The following LRP1 variants were observed in gnomAD, a reference collection of about 807,000 sequenced individuals.
LRP1 encodes the protein prolow-density lipoprotein receptor-related protein 1.
LRP1 carries 51 observed loss-of-function variants against 541.5 expected under a neutral mutation model. The ratio of observed to expected loss-of-function variants is 0.09; its 90% CI spans 0.08 to 0.12. The LOEUF is 0.12. LRP1 is among the 10% of genes least tolerant of loss of function. The pLI, the probability that LRP1 is intolerant of heterozygous loss-of-function variation, is 1.00. For missense variants in LRP1, 3,878 were observed against 6,376.2 expected (o/e 0.61, Z 13.34); for synonymous variants, 2,219 against 2,470.8 (o/e 0.90, Z 3.02).
chr12:57,192,242 A>G (rs1424761812), intron 44 of LRP1, among the ~76,000 whole-genome samples: 1 of 151,900 alleles, frequency 6.6e-6, no homozygotes, highest in Non-Finnish European at 1.5e-5. Flanking sequence ...TTGGAACCGC[A>G]AAACCCCCAG....
At chr12:57,186,057 G>T in intron 41 of LRP1, 149 bp downstream of exon 41, 2 of 939,880 alleles carry the variant, frequency 2.1e-6, no homozygotes, top group Non-Finnish European at 1.5e-6. Context: ...GCAGTTACAT[G>T]ACTCCTGATT....
Position 57,175,672 on chromosome 12 carries a change from C to T in LRP1, c.3760C>T (p.Leu1254=). The T allele has an allele frequency of 6.3e-7, 1 of 1,586,384 alleles. No individual in the cohort carries two copies. Among genetic ancestry groups the T allele is most frequent in the East Asian group, 2.2e-5 (1 of 44,602 alleles). ...VKCSCYEGWV[L]EPDGESCRSL... is the part of the protein sequence containing the mutation. ...GTGCTCCTGCTACGAGGGCTGGGTC[C>T]TGGAACCTGACGGCGAGAGCTGCCG... Residue 1254 remains leucine (L), a synonymous_variant, in exon 23 of 89, where the codon CTG becomes TTG. Coordinates refer to ENST00000243077, the MANE Select transcript of LRP1 (RefSeq NM_002332.3).
chr12:57,144,075 C>T (rs1309134461), intron 4 of LRP1, among the ~76,000 whole-genome samples: 1 of 152,166 alleles, frequency 6.6e-6, no homozygotes, highest in Non-Finnish European at 1.5e-5. Flanking sequence ...TCCCCTTTGA[C>T]AAATCCCCCT....
chr12:57,128,912 G>A lies in LRP1; in HGVS notation c.-53G>A, dbSNP rs1157774590. 4.1e-6 allele frequency: 6 copies of A among 1,480,876 alleles called. No homozygotes were observed. In the East Asian group the frequency reaches 1.3e-4, roughly 31 times the overall value. 91.7% of individuals were successfully genotyped at this position (1,480,876 alleles called of 1,614,324 possible). The stretch of plus-strand genomic sequence containing the variant: ...CCCCCCAACTGGGGGGGGTGAAGGA[G>A]AGAAGTAGCAGGACCAGAGGGGAAG... On this transcript the variant is annotated 5_prime_UTR_variant, in exon 1 of 89. Coordinates refer to ENST00000243077, the MANE Select transcript of LRP1 (RefSeq NM_002332.3).
Position 57,205,497 on chromosome 12 carries a change from G to A in LRP1, c.11470+12G>A. 1 of 1,611,164 alleles carries A rather than the reference G, an allele frequency of 6.2e-7. No individual in the cohort carries two copies. ...GCCCGGATGCCAAGGTAGGAAAGCG[G>A]GGCAGAGCAGGGGTGGACACCCCAA... On this transcript the variant is annotated intron_variant, in intron 74 of 88. Transcript: ENST00000243077. This position sits in a 1 kb window ranked among gnomAD's most constrained non-coding sequence, Gnocchi z 4.6.
chr12:57,129,118 G>T (rs751213952), intron 1 of LRP1, 87 bp downstream of exon 1: 10 of 1,356,778 alleles, frequency 7.4e-6, no homozygotes, highest in South Asian at 1.3e-5. Flanking sequence ...GAAGGGAGAC[G>T]CGGGAGGGGG....
chr12:57,197,876 T>C lies in LRP1; in HGVS notation c.9282+212T>C, dbSNP rs922579421. Among the ~76,000 whole-genome samples the C allele has an allele frequency of 1.3e-5, 2 of 152,170 alleles. No individual in the cohort carries two copies. Among genetic ancestry groups the C allele is most frequent in the Admixed American group, 6.5e-5 (1 of 15,288 alleles). On this transcript the variant is annotated intron_variant, in intron 58 of 88. Coordinates refer to ENST00000243077, the MANE Select transcript of LRP1 (RefSeq NM_002332.3). The surrounding 1 kb of genome is among the most constrained non-coding windows in gnomAD (Gnocchi z 4.5). ...GCCCTTCCCCTCGCTGCCAGCCTCATGTCTCCTTAATCATCAGGAAGTTCC... is the reference window on the plus strand; with the variant it reads ...GCCCTTCCCCTCGCTGCCAGCCTCACGTCTCCTTAATCATCAGGAAGTTCC...
In LRP1 at chr12:57,197,476, T is replaced by A; in HGVS notation, c.9163-69T>A. ...CTCCCCGCTTAGGTCCAACCATCCCTCCCCCAGATGCAAATGTGGCCCCTG... is the reference window on the plus strand; with the variant it reads ...CTCCCCGCTTAGGTCCAACCATCCCACCCCCAGATGCAAATGTGGCCCCTG... On this transcript the variant is annotated intron_variant, in intron 57 of 88. Coordinates refer to ENST00000243077, the MANE Select transcript of LRP1 (RefSeq NM_002332.3). This position sits in a 1 kb window ranked among gnomAD's most constrained non-coding sequence, Gnocchi z 4.5. 1 of 1,612,070 alleles carries A rather than the reference T, an allele frequency of 6.2e-7. No individual in the cohort carries two copies. The highest frequency in any genetic ancestry group is 8.5e-7 in the Non-Finnish European group (1 of 1,178,718).
At chr12:57,196,385 T>C (rs1565747915) in intron 55 of LRP1, 108 bp downstream of exon 55, 1 of 1,115,280 alleles carries the variant, frequency 9.0e-7, no homozygotes, top group East Asian at 2.6e-5. Flanking sequence ...GATACAGCAG[T>C]GAATGAGACA....
chr12:57,158,373 G>C lies in LRP1; in HGVS notation c.1562-29G>C. The C allele has an allele frequency of 6.4e-7, 1 of 1,560,108 alleles. No homozygotes were observed. Among genetic ancestry groups the C allele is most frequent in the Non-Finnish European group, 8.8e-7 (1 of 1,142,170 alleles). On this transcript the variant is annotated intron_variant, in intron 10 of 88. Coordinates refer to ENST00000243077, the MANE Select transcript of LRP1 (RefSeq NM_002332.3). This position sits in a 1 kb window ranked among gnomAD's most constrained non-coding sequence, Gnocchi z 5.3. ...GGGGATGATGGTCATGTGTGTGTCTGACTGTACCCTGGCTTGTGCCTGCTC... is the reference window on the plus strand; with the variant it reads ...GGGGATGATGGTCATGTGTGTGTCTCACTGTACCCTGGCTTGTGCCTGCTC...
At chr12:57,193,045 G>A in intron 45 of LRP1, 75 bp downstream of exon 45, 1 of 1,587,178 alleles carries the variant, frequency 6.3e-7, no homozygotes, top group Non-Finnish European at 8.6e-7. Flanking sequence ...TCCCCTACAT[G>A]CTCCAGCCCA....
intron 15 of LRP1, among the ~76,000 whole-genome samples, chr12:57,163,610 A>G (rs565560184): frequency 1.1e-3 from 168 of 152,160 alleles, no homozygotes; most frequent in African/African-American, 4.0e-3. Context: ...TAAAAAATAC[A>G]TATAATATAT....
In LRP1 at chr12:57,183,347, A is replaced by T. The variant is rs1565738545; in HGVS notation, c.5663-32A>T. 6.3e-7 allele frequency: 1 copy of T among 1,587,516 alleles called. No individual in the cohort carries two copies. Among genetic ancestry groups the T allele is most frequent in the South Asian group, 1.1e-5 (1 of 89,806 alleles). On this transcript the variant is annotated intron_variant, in intron 34 of 88. Coordinates refer to ENST00000243077, the MANE Select transcript of LRP1 (RefSeq NM_002332.3). This position sits in a 1 kb window ranked among gnomAD's most constrained non-coding sequence, Gnocchi z 6.1. ...AACCAAGTTTAAGGGAGTGTTGGCG[A>T]TACCCATGCCTTAAGTTTCCTTGTC...
At chr12:57,209,605 T>A in intron 79 of LRP1, 87 bp from the exon 80 acceptor site, 1 of 1,173,242 alleles carries the variant, frequency 8.5e-7, no homozygotes, top group African/African-American at 1.5e-5. Context: ...TTGAGGTGTC[T>A]GGGAACCACA....
chr12:57,139,867 C>T (rs760935544), intron 2 of LRP1, among the ~76,000 whole-genome samples: 2 of 152,184 alleles, frequency 1.3e-5, no homozygotes, highest in African/African-American at 4.8e-5. Context: ...AGGCCAGATA[C>T]ACCAGCATAC....
intron 3 of LRP1, among the ~76,000 whole-genome samples, chr12:57,142,086 T>G (rs1246748424): frequency 6.6e-6 from 1 of 151,972 alleles, no homozygotes; most frequent in African/African-American, 2.4e-5. Context: ...GTGGGAACAT[T>G]AGGATGACAA....
Position 57,184,588 on chromosome 12 carries a change from G to A in LRP1, c.6186+136G>A. ...GTCTCCCAGCCCAGCCCTCCACCCAGAGTAGGACTCCTGCTACCACAGAGA... is the reference window on the plus strand; with the variant it reads ...GTCTCCCAGCCCAGCCCTCCACCCAAAGTAGGACTCCTGCTACCACAGAGA... On this transcript the variant is annotated intron_variant, in intron 38 of 88. Coordinates refer to ENST00000243077, the MANE Select transcript of LRP1 (RefSeq NM_002332.3). The surrounding 1 kb of genome is among the most constrained non-coding windows in gnomAD (Gnocchi z 7.8). 1 of 1,302,788 alleles carries A rather than the reference G, an allele frequency of 7.7e-7. No homozygotes were observed. The allele number at this position is 1,302,788 out of a possible 1,614,324, so 80.7% of individuals were successfully genotyped here.
Position 57,141,468 on chromosome 12 carries a change from C to T in LRP1, c.285C>T (p.Val95=), listed in dbSNP as rs763232959. ...CCATGTCCCGCCTCTGCAATGGGGT[C>T]CAGGACTGCATGGACGGCTCAGATG... ...CVPMSRLCNG[V]QDCMDGSDEG... Residue 95 remains valine (V), a synonymous_variant, in exon 3 of 89, where the codon GTC becomes GTT. Transcript: ENST00000243077. 1 of 1,614,162 alleles carries T rather than the reference C, an allele frequency of 6.2e-7. No homozygotes were observed. Among genetic ancestry groups the T allele is most frequent in the Non-Finnish European group, 8.5e-7 (1 of 1,180,024 alleles).
chr12:57,149,936 T>C (rs1408948168), intron 6 of LRP1: 2 of 586,252 alleles, frequency 3.4e-6, no homozygotes, highest in Non-Finnish European at 6.1e-6. Context: ...CCTCTCCCAC[T>C]GTCTTGGAGT....
Sources: allele counts gnomAD v4.1 joint callset (sites outside exome capture counted in the v4.1 genomes callset), GRCh38; gene constraint gnomAD v4.1.1; non-coding constraint Gnocchi (gnomAD v3.1); transcripts MANE v1.5; gene names NCBI Gene and HGNC (gene_info 2026-07-23, HGNC 2026-07-21).